IL17RA: variants seen among roughly 807,000 people sequenced by gnomAD.
IL17RA encodes the protein interleukin-17 receptor A.
Under a neutral mutation model 50.4 loss-of-function variants are expected in IL17RA, and 34 were observed. That is an observed-to-expected ratio of 0.67 (90% CI 0.51 to 0.90). The LOEUF (loss-of-function observed/expected upper bound fraction) is 0.90, where lower values mean the gene tolerates loss of function less well. IL17RA is among the 40% of genes least tolerant of loss of function. The pLI, the probability that IL17RA is intolerant of heterozygous loss-of-function variation, is 0.00. For synonymous variants in IL17RA, 585 were observed against 510.4 expected, an observed-to-expected ratio of 1.15 and a Z score of -1.97; for missense variants, 1,276 against 1,169.8, an observed-to-expected ratio of 1.09 and a Z score of -1.32.
intron 7 of IL17RA, among the ~76,000 whole-genome samples, chr22:17,102,731 T>C (rs2061396302): frequency 6.6e-6 from 1 of 151,804 alleles, no homozygotes; most frequent in African/African-American, 2.4e-5. Flanking sequence ...GGCTTGAAGT[T>C]GGAGTTCGAG....
chr22:17,102,314 CT>C lies in IL17RA; in HGVS notation c.762+17del. The C allele has an allele frequency of 6.2e-7, 1 of 1,614,086 alleles. No homozygotes were observed. The highest frequency in any genetic ancestry group is 1.1e-5 in the South Asian group (1 of 91,066). On this transcript the variant is annotated intron_variant, in intron 7 of 12. Transcript: ENST00000319363. ...ACCACATACCTGCGGTAACTCTGCT[CT>C]TTTTGACCCCTCTAGCATAGCTCAG...
At chr22:17,105,461 A>G (rs1274460703) in intron 9 of IL17RA, 130 bp from the exon 10 acceptor site, 5 of 906,288 alleles carry the variant, frequency 5.5e-6, no homozygotes, top group Admixed American at 5.1e-5. Context: ...ATTAAGTTCA[A>G]CCTGGATCTA....
Position 17,098,880 on chromosome 22 carries a change from A to G in IL17RA, c.416A>G (p.His139Arg). The G allele has an allele frequency of 6.2e-7, 1 of 1,613,700 alleles. No homozygotes were observed. The highest frequency in any genetic ancestry group is 8.5e-7 in the Non-Finnish European group (1 of 1,179,560). Residue 139 changes from histidine (H) to arginine (R), a missense_variant, in exon 4 of 13, where the codon CAC becomes CGC. Transcript: ENST00000319363. The stretch of plus-strand genomic sequence containing the variant: ...TTTCTGTCCAAACTGAGGCATCACC[A>G]CAGGCGGGTAAGAACACAGCTCCTG... ...FEFLSKLRHH[H>R]RRWRFTFSHF...
Position 17,098,871 on chromosome 22 carries a change from G to C in IL17RA, c.407G>C (p.Arg136Thr). 1 of 1,614,096 alleles carries C rather than the reference G, an allele frequency of 6.2e-7. No individual in the cohort carries two copies. Among genetic ancestry groups the C allele is most frequent in the South Asian group, 1.1e-5 (1 of 91,082 alleles). ...CVRFEFLSKL[R>T]HHHRRWRFTF... ...AGGTTTGAGTTTCTGTCCAAACTGA[G>C]GCATCACCACAGGCGGGTAAGAACA... The change falls in exon 4 of 13, where the codon AGG becomes ACG. Residue 136 changes from arginine (R) to threonine (T), a missense_variant. Physicochemically the swap from Arg to Thr is moderately conservative, Grantham distance 71 (BLOSUM62 -1). Transcript: ENST00000319363.
At position 17,109,363 on chromosome 22, in the gene IL17RA, G is replaced by C. The variant is rs747892404; in HGVS notation, c.2144G>C (p.Ser715Thr). Reference sequence around the variant, plus strand: ...GGCAGCCCGGGCGCTGGGCGAAATAGCGTCCTCTTCCTCCCCGTGGACCCC... The same window carrying C: ...GGCAGCCCGGGCGCTGGGCGAAATACCGTCCTCTTCCTCCCCGTGGACCCC... ...LLGSPGAGRN[S>T]VLFLPVDPED... The change falls in exon 13 of 13, where the codon AGC becomes ACC. Residue 715 changes from serine (S) to threonine (T), a missense_variant. Ser to Thr is a moderately conservative substitution (Grantham distance 58). Coordinates refer to ENST00000319363, the MANE Select transcript of IL17RA (RefSeq NM_014339.7). 2 of 1,607,802 alleles carry C rather than the reference G, an allele frequency of 1.2e-6. No individual in the cohort carries two copies. Among genetic ancestry groups the C allele is most frequent in the African/African-American group, 2.7e-5 (2 of 74,882 alleles).
Position 17,108,347 on chromosome 22 carries a change from GC to G in IL17RA, c.1131del (p.Arg378GlyfsTer19). ...AADLIPPPLK[P>X]RKVWIIYSAD... ...CTGACCTGATCCCCCCACCGCTGAA[GC>G]CCAGGAAGGTCTGGATCATCTACTC... is the stretch of plus-strand genomic sequence containing the variant. On this transcript the variant is annotated frameshift_variant, in exon 13 of 13. Transcript: ENST00000319363. LOFTEE classifies it low-confidence loss of function (END_TRUNC). 1 of 1,614,156 alleles carries G rather than the reference GC, an allele frequency of 6.2e-7. No individual in the cohort carries two copies. The highest frequency in any genetic ancestry group is 8.5e-7 in the Non-Finnish European group (1 of 1,180,014).
At chr22:17,085,449 T>G (rs2061323879) in intron 1 of IL17RA, among the ~76,000 whole-genome samples, 3 of 149,592 alleles carry the variant, frequency 2.0e-5, no homozygotes, top group East Asian at 4.0e-4. Flanking sequence ...GGGGGGTGGG[T>G]GGCACATCGC....
At chr22:17,107,929 A>G (rs1327960813) in intron 12 of IL17RA, among the ~76,000 whole-genome samples, 161 bp downstream of exon 12, 7 of 152,200 alleles carry the variant, frequency 4.6e-5, no homozygotes, top group Non-Finnish European at 1.0e-4. Flanking sequence ...AGGGCCCCCA[A>G]TAACAAGGCC....
At chr22:17,108,286 T>C in intron 12 of IL17RA, 21 bp from the exon 13 acceptor site, 2 of 1,612,892 alleles carry the variant, frequency 1.2e-6, no homozygotes, top group Non-Finnish European at 1.7e-6. Flanking sequence ...AGGGTCAGCA[T>C]GTGTGGTCTT....
chr22:17,098,462 C>T (rs568444392), intron 3 of IL17RA, among the ~76,000 whole-genome samples: 2 of 152,296 alleles, frequency 1.3e-5, no homozygotes, highest in South Asian at 2.1e-4. Context: ...GCCACAACCT[C>T]GTGAGGATGG....
In IL17RA at chr22:17,108,615, C is replaced by T; in HGVS notation, c.1396C>T (p.Arg466Trp). ...QALLGRGAPV[R>W]LRCDHGKPVG... ...GCTCCTGGGCCGGGGGGCGCCTGTG[C>T]GGCTGCGCTGCGACCACGGAAAGCC... The change falls in exon 13 of 13, where the codon CGG becomes TGG. Residue 466 changes from arginine (R) to tryptophan (W), a missense_variant. Transcript: ENST00000319363. 1.9e-6 allele frequency: 3 copies of T among 1,604,486 alleles called. No individual in the cohort carries two copies. Among genetic ancestry groups the T allele is most frequent in the East Asian group, 2.2e-5 (1 of 44,860 alleles).
Position 17,112,064 on chromosome 22 carries a change from C to T in IL17RA, c.*2244C>T, listed in dbSNP as rs1392282198. On this transcript the variant is annotated 3_prime_UTR_variant, in exon 13 of 13. Transcript: ENST00000319363. ...GGCTTCGTTGGGTCTGGACACCTAC[C>T]ATGCATTCTGTGACCTTTCCCTAGC... The T allele has an allele frequency of 6.6e-6, 1 of 152,182 alleles. No homozygotes were observed. The highest frequency in any genetic ancestry group is 1.5e-5 in the Non-Finnish European group (1 of 68,052). 9.4% of individuals were successfully genotyped at this position (152,182 alleles called of 1,614,324 possible).
intron 2 of IL17RA, 59 bp downstream of exon 2, chr22:17,097,145 T>C: frequency 6.6e-7 from 1 of 1,507,018 alleles, no homozygotes; most frequent in African/African-American, 1.4e-5. Context: ...GAGAGCCTGC[T>C]GCCAACTTCT....
At chr22:17,099,024 G>T in intron 4 of IL17RA, 137 bp downstream of exon 4, 1 of 749,872 alleles carries the variant, frequency 1.3e-6, no homozygotes, top group Non-Finnish European at 2.4e-6. Context: ...CAGAATGGCA[G>T]CCTGAGATGG....
intron 9 of IL17RA, 34 bp downstream of exon 9, chr22:17,104,844 G>A (rs755085731): frequency 1.2e-6 from 2 of 1,605,482 alleles, no homozygotes; most frequent in South Asian, 1.1e-5. Flanking sequence ...GGCCATACTG[G>A]GAGAACAAGT....
At position 17,099,067 on chromosome 22, in the gene IL17RA, G is replaced by A. The variant is rs190397453; in HGVS notation, c.423+180G>A. Among the ~76,000 whole-genome samples, 18 of 152,292 alleles carry A rather than the reference G, an allele frequency of 1.2e-4. No individual in the cohort carries two copies. In the East Asian group the frequency reaches 1.7e-3, roughly 15 times the overall value. ...TCAAAAGAGAAGTGGTGTGGCCGCC[G>A]TGAGCAATAGTGAGGGACAGAGCGT... On this transcript the variant is annotated intron_variant, in intron 4 of 12. Coordinates refer to ENST00000319363, the MANE Select transcript of IL17RA (RefSeq NM_014339.7).
In IL17RA at chr22:17,097,057, C is replaced by T; in HGVS notation, c.139-5C>T. On this transcript the variant is annotated splice_region_variant and splice_polypyrimidine_tract_variant and intron_variant, in intron 1 of 12. Coordinates refer to ENST00000319363, the MANE Select transcript of IL17RA (RefSeq NM_014339.7). ...GCTGTAATAACCACCCTCTTTTTTC[C>T]ACAGGGGCTAAACTGCACGGTCAAG... is the stretch of plus-strand genomic sequence containing the variant. 1.2e-6 allele frequency: 2 copies of T among 1,613,264 alleles called. No individual in the cohort carries two copies. The highest frequency in any genetic ancestry group is 1.7e-6 in the Non-Finnish European group (2 of 1,179,374).
intron 1 of IL17RA, among the ~76,000 whole-genome samples, chr22:17,094,671 C>CTATATATATATA (rs1568917407): frequency 0.023 from 924 of 40,680 alleles, 95 homozygotes; most frequent in Non-Finnish European, 0.037. Flanking sequence ...CTCTCTCTCT[C>CTATATATATATA]TCTCTCTCTC....
chr22:17,097,329 TG>T (rs1375374843), intron 2 of IL17RA: 4 of 582,992 alleles, frequency 6.9e-6, no homozygotes, highest in East Asian at 6.0e-5. Context: ...AAGTATTCTC[TG>T]GGGAGCTGCC....
Sources: gnomAD v4.1 joint callset for allele counts (sites outside exome capture counted in the v4.1 genomes callset) on GRCh38, gnomAD v4.1.1 for gene constraint, MANE v1.5 for transcripts, NCBI Gene and HGNC (gene_info 2026-07-23, HGNC 2026-07-21) for gene names.